The following COMMD10 variants were observed in gnomAD, a reference collection of about 807,000 sequenced individuals.
The protein encoded by COMMD10 is COMM domain containing 10.
A neutral mutation model predicts 28.9 loss-of-function variants in COMMD10; 33 were observed. The ratio of observed to expected loss-of-function variants is 1.14; its 90% CI spans 0.87 to 1.53. The LOEUF is 1.53. Ranked by LOEUF, COMMD10 falls within the 40% of genes most tolerant of loss-of-function variation. COMMD10 has a pLI of 0.00. For missense variants in COMMD10, 310 were observed against 233.4 expected (o/e 1.33, Z -2.14); for synonymous variants, 110 against 81.7 (o/e 1.35, Z -1.87).
At position 116,209,415 on chromosome 5, in the gene COMMD10, G is replaced by A. The variant is rs115899514; in HGVS notation, c.510+75237G>A. ...TAGTTAATACTGATTTCAAAATAGT[G>A]TTTCTTGGCAAATCACAACCAAAAG... is the stretch of plus-strand genomic sequence containing the variant. On this transcript the variant is annotated intron_variant, in intron 5 of 6. Coordinates refer to ENST00000274458, the MANE Select transcript of COMMD10 (RefSeq NM_016144.4). Among the ~76,000 whole-genome samples, 697 of 152,184 alleles carry A rather than the reference G, an allele frequency of 4.6e-3. 6 individuals are homozygous for A. The highest frequency in any genetic ancestry group is 0.016 in the African/African-American group (660 of 41,530).
intron 5 of COMMD10, among the ~76,000 whole-genome samples, chr5:116,265,970 T>C (rs1490565557): frequency 6.6e-6 from 1 of 151,670 alleles, no homozygotes; most frequent in Non-Finnish European, 1.5e-5. Flanking sequence ...AGTAAGTCAG[T>C]ATGTGTTAGG....
At position 116,270,462 on chromosome 5, in the gene COMMD10, A is replaced by C. The variant is rs114769534; in HGVS notation, c.511-21055A>C. On this transcript the variant is annotated intron_variant, in intron 5 of 6. Coordinates refer to ENST00000274458, the MANE Select transcript of COMMD10 (RefSeq NM_016144.4). ...TTTGTAGAGAGTAGCATTTCGAAAA[A>C]CTGAATTTGGCGTCTGTATTTAGAA... is the stretch of plus-strand genomic sequence containing the variant. Among the ~76,000 whole-genome samples the C allele has an allele frequency of 2.8e-3, 420 of 151,408 alleles. 13 individuals are homozygous for C. Among genetic ancestry groups the C allele is most frequent in the African/African-American group, 9.8e-3 (404 of 41,234 alleles).
chr5:116,244,964 G>T (rs1019652476), intron 5 of COMMD10, among the ~76,000 whole-genome samples: 2 of 150,952 alleles, frequency 1.3e-5, no homozygotes, highest in African/African-American at 4.9e-5. Flanking sequence ...GCTAGCAGTA[G>T]ACAAGAAATA....
intron 5 of COMMD10, among the ~76,000 whole-genome samples, chr5:116,249,931 A>G (rs977562288): frequency 5.9e-5 from 9 of 151,944 alleles, no homozygotes; most frequent in Admixed American, 2.0e-4. Flanking sequence ...GTCACTTAAC[A>G]ATTATATTTG....
intron 5 of COMMD10, among the ~76,000 whole-genome samples, chr5:116,188,779 C>T (rs941854983): frequency 6.6e-6 from 1 of 152,008 alleles, no homozygotes; most frequent in Non-Finnish European, 1.5e-5. Context: ...CAGGTGCACA[C>T]CACCACACTT....
At chr5:116,271,320 T>C (rs1044778898) in intron 5 of COMMD10, among the ~76,000 whole-genome samples, 2 of 147,236 alleles carry the variant, frequency 1.4e-5, no homozygotes, top group African/African-American at 5.0e-5. Flanking sequence ...ATATATAAAA[T>C]ATAAATATAT....
intron 5 of COMMD10, among the ~76,000 whole-genome samples, chr5:116,143,082 T>TC (rs1271351788): frequency 8.0e-4 from 120 of 150,550 alleles, no homozygotes; most frequent in African/African-American, 2.7e-3. Context: ...TTTTTTTTTT[T>TC]TTTTGGTTTT....
chr5:116,192,530 A>G (rs897979271), intron 5 of COMMD10, among the ~76,000 whole-genome samples: 3 of 152,192 alleles, frequency 2.0e-5, no homozygotes, highest in African/African-American at 7.2e-5. Flanking sequence ...AATGCTCTGG[A>G]AAGTCTCAAC....
At chr5:116,143,253 A>G (rs1399924044) in intron 5 of COMMD10, among the ~76,000 whole-genome samples, 1 of 151,616 alleles carries the variant, frequency 6.6e-6, no homozygotes, top group East Asian at 1.9e-4. Context: ...TGGAAAGTCT[A>G]CATTTATCCA....
At chr5:116,136,696 T>G (rs1237674807) in intron 5 of COMMD10, among the ~76,000 whole-genome samples, 1 of 152,216 alleles carries the variant, frequency 6.6e-6, no homozygotes, top group Middle Eastern at 3.2e-3. Flanking sequence ...GAAATCTAAC[T>G]CATTTGAAAT....
rs569326322 is a variant in COMMD10 at position 116,180,577 on chromosome 5, G to A, written c.510+46399G>A. Among the ~76,000 whole-genome samples the A allele has an allele frequency of 2.6e-5, 4 of 151,798 alleles. No individual in the cohort carries two copies. The East Asian group carries it at 7.7e-4, about 29-fold the overall frequency. On this transcript the variant is annotated intron_variant, in intron 5 of 6. Coordinates refer to ENST00000274458, the MANE Select transcript of COMMD10 (RefSeq NM_016144.4). The stretch of plus-strand genomic sequence containing the variant: ...TTTATTGTGAAATTTTCTATTAGCA[G>A]TTCATTCTAAATGTTTAAGAAATTA...
chr5:116,094,340 A>G (rs1351653384), intron 4 of COMMD10, among the ~76,000 whole-genome samples: 3 of 152,242 alleles, frequency 2.0e-5, no homozygotes, highest in Non-Finnish European at 4.4e-5. Context: ...AACTAATCCC[A>G]TTTAATGTGG....
chr5:116,206,239 A>G (rs111233712), intron 5 of COMMD10, among the ~76,000 whole-genome samples: 55 of 152,146 alleles, frequency 3.6e-4, no homozygotes, highest in African/African-American at 1.3e-3. Context: ...TAAACTTCCT[A>G]CTCTATTTGT....
In COMMD10 at chr5:116,263,210, C is replaced by T. The variant is rs559919188; in HGVS notation, c.511-28307C>T. 8.6e-5 allele frequency among the ~76,000 whole-genome samples: 13 copies of T among 151,776 alleles called. No individual in the cohort carries two copies. The East Asian group carries it at 1.4e-3, about 16-fold the overall frequency. ...AAAACATCTATGAAACACTAAGATA[C>T]GTCTGAATTGGAGCTGAGGACTAAG... On this transcript the variant is annotated intron_variant, in intron 5 of 6. Transcript: ENST00000274458.
rs369118747 is a variant in COMMD10, at chr5:116,235,779, G to T, written c.511-55738G>T. Among the ~76,000 whole-genome samples the T allele has an allele frequency of 6.8e-4, 104 of 152,122 alleles. No individual in the cohort carries two copies. In the East Asian group the frequency reaches 0.016, roughly 23 times the overall value. On this transcript the variant is annotated intron_variant, in intron 5 of 6. Transcript: ENST00000274458. ...TTTTTCCCTCCTTGGAATCTCTTAAGGGTTTTCTTCTTTATCTTCGATGGA... is the reference window on the plus strand; with the variant it reads ...TTTTTCCCTCCTTGGAATCTCTTAATGGTTTTCTTCTTTATCTTCGATGGA...
chr5:116,091,232 T>C (rs1162186954), intron 3 of COMMD10, 43 bp downstream of exon 3: 3 of 1,046,112 alleles, frequency 2.9e-6, no homozygotes, highest in Non-Finnish European at 4.4e-6. Flanking sequence ...ATTTGTTTAC[T>C]ACATATTTGT....
intron 5 of COMMD10, among the ~76,000 whole-genome samples, chr5:116,167,416 A>T (rs1429557154): frequency 6.6e-6 from 1 of 152,108 alleles, no homozygotes; most frequent in Non-Finnish European, 1.5e-5. Context: ...GTTGGAAAAC[A>T]CTCTTCAGGA....
At chr5:116,241,868 C>CCCAAA (rs1749825076) in intron 5 of COMMD10, among the ~76,000 whole-genome samples, 1 of 151,758 alleles carries the variant, frequency 6.6e-6, no homozygotes, top group East Asian at 1.9e-4. Flanking sequence ...CCACCCACCT[C>CCCAAA]GGCCTCCCAA....
chr5:116,273,348 G>A (rs1054049905), intron 5 of COMMD10, among the ~76,000 whole-genome samples: 2 of 151,670 alleles, frequency 1.3e-5, no homozygotes, highest in African/African-American at 4.9e-5. Context: ...CCAGCCATAT[G>A]TGACCTGTAA....
Sources: gnomAD v4.1 joint callset for allele counts (sites outside exome capture counted in the v4.1 genomes callset) on GRCh38, gnomAD v4.1.1 for gene constraint, MANE v1.5 for transcripts, NCBI Gene and HGNC (gene_info 2026-07-23, HGNC 2026-07-21) for gene names.